Variants in TSHZ2 observed in about 807,000 individuals in gnomAD.
TSHZ2 encodes teashirt homolog 2.
TSHZ2 carries 21 observed loss-of-function variants against 74.4 expected under a neutral mutation model. The observed-to-expected ratio is 0.28, with a 90% CI of 0.20 to 0.41. The LOEUF (loss-of-function observed/expected upper bound fraction) is 0.41. Ranked by LOEUF, TSHZ2 falls within the 10% of genes least tolerant of loss-of-function variation. The pLI, the probability that TSHZ2 is intolerant of heterozygous loss-of-function variation, is 1.00. For missense variants in TSHZ2, 1,244 were observed against 1,293.5 expected (o/e 0.96, Z 0.59); for synonymous variants, 540 against 515.3 (o/e 1.05, Z -0.65).
At chr20:53,483,967 G>A (rs543021578) in intron 2 of TSHZ2, among the ~76,000 whole-genome samples, 6 of 152,318 alleles carry the variant, frequency 3.9e-5, no homozygotes, top group Admixed American at 3.9e-4. Context: ...ATGACAGCCT[G>A]CAGTAGGCCT....
At chr20:53,445,292 C>T (rs929834187) in intron 2 of TSHZ2, among the ~76,000 whole-genome samples, 17 of 152,226 alleles carry the variant, frequency 1.1e-4, no homozygotes, top group African/African-American at 1.7e-4. Flanking sequence ...ACAACAGTTA[C>T]GGTAAATATA....
chr20:53,097,369 A>G (rs1986084993), intron 1 of TSHZ2, among the ~76,000 whole-genome samples: 1 of 152,198 alleles, frequency 6.6e-6, no homozygotes, highest in Admixed American at 6.5e-5. Flanking sequence ...AAGGCCAGAT[A>G]TAATACCCAG....
chr20:53,073,495 C>T (rs1985265281), intron 1 of TSHZ2, among the ~76,000 whole-genome samples: 1 of 152,158 alleles, frequency 6.6e-6, no homozygotes, highest in African/African-American at 2.4e-5. Flanking sequence ...TGGATAGAGA[C>T]ACATCTGAAA....
intron 2 of TSHZ2, among the ~76,000 whole-genome samples, chr20:53,404,631 T>C (rs1459014433): frequency 6.6e-6 from 1 of 152,242 alleles, no homozygotes; most frequent in African/African-American, 2.4e-5. Flanking sequence ...AAATGCTTCC[T>C]AAGCTCTTTA....
intron 1 of TSHZ2, chr20:53,196,604 T>G (rs960828274): frequency 5.3e-5 from 8 of 152,236 alleles, no homozygotes; most frequent in African/African-American, 1.9e-4. Flanking sequence ...AGCCCATTAC[T>G]ATGATACCTT....
At chr20:53,473,943 G>C (rs1466737831) in intron 2 of TSHZ2, among the ~76,000 whole-genome samples, 1 of 152,098 alleles carries the variant, frequency 6.6e-6, no homozygotes, top group Non-Finnish European at 1.5e-5. Context: ...GAAGCGAGAA[G>C]AGAAGTTTAG....
Position 53,160,052 on chromosome 20 carries a change from G to A in TSHZ2, c.41-93447G>A, listed in dbSNP as rs74722129. 8.3e-3 allele frequency among the ~76,000 whole-genome samples: 1,270 copies of A among 152,284 alleles called. 27 individuals carry two copies. The highest frequency in any genetic ancestry group is 0.029 in the African/African-American group (1,213 of 41,542). On this transcript the variant is annotated intron_variant, in intron 1 of 2. Transcript: ENST00000371497. Reference sequence around the variant, plus strand: ...GAGGGAAGTCCATCATCCCAGAAGGGAGGGTCCACATATGAAAAGGCCCAG... The same window carrying A: ...GAGGGAAGTCCATCATCCCAGAAGGAAGGGTCCACATATGAAAAGGCCCAG...
chr20:53,320,134 A>G (rs1242076932), intron 2 of TSHZ2, among the ~76,000 whole-genome samples: 1 of 152,184 alleles, frequency 6.6e-6, no homozygotes, highest in Non-Finnish European at 1.5e-5. Context: ...CATTATCTTC[A>G]TTGTGAACCT....
At chr20:53,459,252 G>T (rs942225739) in intron 2 of TSHZ2, among the ~76,000 whole-genome samples, 26 of 152,142 alleles carry the variant, frequency 1.7e-4, no homozygotes, top group African/African-American at 5.8e-4. Flanking sequence ...TGTATTGGGT[G>T]CATATATATT....
intron 2 of TSHZ2, among the ~76,000 whole-genome samples, chr20:53,448,462 G>A (rs775962324): frequency 3.3e-5 from 5 of 152,158 alleles, no homozygotes; most frequent in Admixed American, 6.5e-5. Context: ...GGTTTCCTGA[G>A]AAAGGAACTC....
intron 1 of TSHZ2, among the ~76,000 whole-genome samples, chr20:53,075,559 G>A (rs1048231870): frequency 8.5e-5 from 13 of 152,296 alleles, no homozygotes; most frequent in African/African-American, 2.9e-4. Context: ...ACAGAGAGGG[G>A]AGAAGCAAGT....
rs375891403 is a variant in TSHZ2, at chr20:53,215,657, G to A, written c.41-37842G>A. ...CAAGGCAGGTGGATCACCTGAGGTC[G>A]GGAGTTCGAGACCAGCCTGACCAAC... On this transcript the variant is annotated intron_variant, in intron 1 of 2. Transcript: ENST00000371497. 5.4e-4 allele frequency among the ~76,000 whole-genome samples: 82 copies of A among 151,614 alleles called. 3 individuals are homozygous for A. The South Asian group carries it at 0.015, about 28-fold the overall frequency.
intron 1 of TSHZ2, among the ~76,000 whole-genome samples, chr20:53,085,129 G>GT (rs1985657325): frequency 6.6e-6 from 1 of 152,126 alleles, no homozygotes; most frequent in East Asian, 1.9e-4. Context: ...GGGAGGCTGA[G>GT]ATGGGTGGAT....
At chr20:53,325,034 A>C (rs1336709710) in intron 2 of TSHZ2, among the ~76,000 whole-genome samples, 1 of 152,254 alleles carries the variant, frequency 6.6e-6, no homozygotes, top group Non-Finnish European at 1.5e-5. Context: ...CAGGGAAAAG[A>C]CTTGGCAAGT....
At chr20:53,162,039 T>C (rs1987953471) in intron 1 of TSHZ2, among the ~76,000 whole-genome samples, 1 of 152,192 alleles carries the variant, frequency 6.6e-6, no homozygotes, top group Admixed American at 6.5e-5. Context: ...AATCTGAACC[T>C]CAACCCTTGT....
In TSHZ2 at chr20:53,453,496, G is replaced by A. The variant is rs532109364; in HGVS notation, c.*9-33648G>A. On this transcript the variant is annotated intron_variant, in intron 2 of 2. Coordinates refer to ENST00000371497, the MANE Select transcript of TSHZ2 (RefSeq NM_173485.6). Reference sequence around the variant, plus strand: ...GACCAGCCATGAATTTTTTTTTCCTGTGCTCTAATAATAGAGGAGGTTTAA... The same window carrying A: ...GACCAGCCATGAATTTTTTTTTCCTATGCTCTAATAATAGAGGAGGTTTAA... 5.9e-4 allele frequency among the ~76,000 whole-genome samples: 90 copies of A among 151,870 alleles called. 1 individual carries two copies. Among genetic ancestry groups the A allele is most frequent in the African/African-American group, 2.0e-3 (83 of 41,422 alleles).
intron 1 of TSHZ2, among the ~76,000 whole-genome samples, chr20:53,054,415 T>C (rs946872480): frequency 6.6e-6 from 1 of 152,218 alleles, no homozygotes; most frequent in Non-Finnish European, 1.5e-5. Context: ...TTTAGCAGAT[T>C]ATTCTAAGAC....
At chr20:53,222,189 C>A (rs1044736457) in intron 1 of TSHZ2, among the ~76,000 whole-genome samples, 4 of 152,106 alleles carry the variant, frequency 2.6e-5, no homozygotes, top group Non-Finnish European at 5.9e-5. Context: ...TCCACTCTAC[C>A]CCTCCTCCCC....
intron 2 of TSHZ2, among the ~76,000 whole-genome samples, chr20:53,283,980 C>T (rs993562029): frequency 2.0e-5 from 3 of 152,160 alleles, no homozygotes; most frequent in Non-Finnish European, 4.4e-5. Context: ...TGTAGAGCTT[C>T]GAGGAGTTTG....
Sources: gnomAD v4.1 joint callset for allele counts (sites outside exome capture counted in the v4.1 genomes callset) on GRCh38, gnomAD v4.1.1 for gene constraint, MANE v1.5 for transcripts, NCBI Gene and HGNC (gene_info 2026-07-23, HGNC 2026-07-21) for gene names.